MS4A6E: variants seen among roughly 807,000 people sequenced by gnomAD.
MS4A6E encodes membrane-spanning 4-domains subfamily A member 6E.
A neutral mutation model predicts 13.2 loss-of-function variants in MS4A6E; 8 were observed. The ratio of observed to expected loss-of-function variants is 0.60; its 90% confidence interval spans 0.35 to 1.09. The LOEUF is 1.09. Among genes scored for constraint, MS4A6E ranks in the 50% least tolerant of loss-of-function variants. MS4A6E has a pLI of 0.02. For missense variants in MS4A6E, 177 were observed against 171.1 expected (o/e 1.03, Z -0.19); for synonymous variants, 72 against 67.6 (o/e 1.06, Z -0.32).
downstream of MS4A6E, among the ~76,000 whole-genome samples, chr11:60,343,947 A>AAG (rs914149125): frequency 8.6e-5 from 13 of 152,020 alleles, no homozygotes; most frequent in Non-Finnish European, 1.5e-4. Context: ...TGGGGTCAGG[A>AAG]AGAGAGAGAG....
chr11:60,337,996 GC>G lies in MS4A6E; in HGVS notation c.354+51del, dbSNP rs908877947. ...TTCTAATTTTATGAGGTTTCTGAAA[GC>G]CTTGATTTCTTATTATTCCATCCTT... On this transcript the variant is annotated intron_variant, in intron 3 of 4. Coordinates refer to ENST00000684409, the MANE Select transcript of MS4A6E (RefSeq NM_139249.4). 1.0e-5 allele frequency: 16 copies of G among 1,558,252 alleles called. No homozygotes were observed. In the Admixed American group the frequency reaches 2.8e-4, roughly 27 times the overall value.
chr11:60,341,290 G>A lies in MS4A6E; in HGVS notation c.*524G>A, dbSNP rs544044776. ...AGGCAAACCCCATAATGAAGTCTCCGAGTGTATGAAAGTAGCCGGCTTCAA... is the reference window on the plus strand; with the variant it reads ...AGGCAAACCCCATAATGAAGTCTCCAAGTGTATGAAAGTAGCCGGCTTCAA... On this transcript the variant is annotated 3_prime_UTR_variant, in exon 5 of 5. Transcript: ENST00000684409. Among the ~76,000 whole-genome samples the A allele has an allele frequency of 5.9e-5, 9 of 152,290 alleles. No homozygotes were observed. Among genetic ancestry groups the A allele is most frequent in the Admixed American group, 1.3e-4 (2 of 15,302 alleles).
Position 60,337,961 on chromosome 11 carries a change from A to C in MS4A6E, c.354+14A>C. The C allele has an allele frequency of 6.2e-7, 1 of 1,607,680 alleles. No homozygotes were observed. The highest frequency in any genetic ancestry group is 8.5e-7 in the Non-Finnish European group (1 of 1,174,688). ...GCCAGTCTGGCTGTAAGTATTTTTTAGATGGGATGTTCTAATTTTATGAGG... is the reference window on the plus strand; with the variant it reads ...GCCAGTCTGGCTGTAAGTATTTTTTCGATGGGATGTTCTAATTTTATGAGG... On this transcript the variant is annotated intron_variant, in intron 3 of 4. Coordinates refer to ENST00000684409, the MANE Select transcript of MS4A6E (RefSeq NM_139249.4).
downstream of MS4A6E, among the ~76,000 whole-genome samples, chr11:60,343,466 T>C (rs536104342): frequency 6.6e-6 from 1 of 152,358 alleles, no homozygotes; most frequent in East Asian, 1.9e-4. Context: ...TGTATAGTTG[T>C]GTTGCAAATA....
downstream of MS4A6E, among the ~76,000 whole-genome samples, chr11:60,341,662 A>AT (rs1310178583): frequency 3.9e-5 from 6 of 152,086 alleles, no homozygotes; most frequent in Non-Finnish European, 8.8e-5. Context: ...TCTTTGAAAG[A>AT]TTTTGTCATA....
At chr11:60,330,628 C>G (rs144460047) in intron 1 of MS4A6E, among the ~76,000 whole-genome samples, 1 of 151,992 alleles carries the variant, frequency 6.6e-6, no homozygotes, top group South Asian at 2.1e-4. Context: ...CATAAGCCAC[C>G]GCGCCTGGCC....
At chr11:60,342,178 TGAGAGA>T (rs759102438), downstream of MS4A6E, among the ~76,000 whole-genome samples, 59 of 27,792 alleles carry the variant, frequency 2.1e-3, 2 homozygotes, top group South Asian at 0.04. Context: ...TGTGTGTGTG[TGAGAGA>T]GAGAGAGAGA....
rs773294582 is a variant in MS4A6E at position 60,337,779 on chromosome 11, G to C, written c.186G>C (p.Leu62=). Residue 62 remains leucine (L), a synonymous_variant, in exon 3 of 5, where the codon CTG becomes CTC. Transcript: ENST00000684409. ...TGGCTGGAAGCATTCTGAGTGCTCT[G>C]TCTGCCCTGGTGGGTTTCATTCTCC... ...SSLAGSILSA[L]SALVGFILLS... 17 of 1,614,064 alleles carry C rather than the reference G, an allele frequency of 1.1e-5. No individual in the cohort carries two copies. Among genetic ancestry groups the C allele is most frequent in the African/African-American group, 1.3e-5 (1 of 74,906 alleles).
chr11:60,335,873 G>C (rs546818012), intron 2 of MS4A6E, among the ~76,000 whole-genome samples: 1 of 152,280 alleles, frequency 6.6e-6, no homozygotes, highest in African/African-American at 2.4e-5. Flanking sequence ...ATTTGGTTTT[G>C]TTAGTTTGCT....
rs1474077737 is a variant in MS4A6E, at chr11:60,335,426, G to A, written c.147+384G>A. 3.8e-5 allele frequency: 14 copies of A among 369,924 alleles called. No individual in the cohort carries two copies. In the East Asian group the frequency reaches 1.0e-3, roughly 27 times the overall value. 22.9% of individuals were successfully genotyped at this position (369,924 alleles called of 1,614,324 possible). A position where few individuals can be genotyped will look rare whatever the true frequency, so the allele number is the denominator to read the frequency against. ...CTTTGCAAGGAATTTTTCCCTTACT[G>A]CAAATTACAGAAAAAATATACCTCC... On this transcript the variant is annotated intron_variant, in intron 2 of 4. Transcript: ENST00000684409.
chr11:60,331,967 C>T (rs1439174804), intron 1 of MS4A6E, among the ~76,000 whole-genome samples: 2 of 152,288 alleles, frequency 1.3e-5, no homozygotes, highest in Non-Finnish European at 2.9e-5. Context: ...AGCAATTTGA[C>T]GTCAGATGTC....
chr11:60,335,507 T>C, intron 2 of MS4A6E: 1 of 447,868 alleles, frequency 2.2e-6, no homozygotes, highest in South Asian at 1.6e-5. Context: ...ACCTTTTATT[T>C]GTCTGTTTCT....
chr11:60,329,206 G>A (rs974542953), intron 1 of MS4A6E, among the ~76,000 whole-genome samples: 5 of 147,918 alleles, frequency 3.4e-5, no homozygotes, highest in Admixed American at 1.4e-4. Flanking sequence ...ATATATTCTC[G>A]TTGTTCAATT....
chr11:60,342,189 GAGAGAGAGA>G (rs2085230969), downstream of MS4A6E, among the ~76,000 whole-genome samples: 3 of 83,112 alleles, frequency 3.6e-5, no homozygotes, highest in African/African-American at 1.8e-4. Context: ...GAGAGAGAGA[GAGAGAGAGA>G]GAGGGGGGGG....
chr11:60,331,093 C>T (rs994553763), intron 1 of MS4A6E, among the ~76,000 whole-genome samples: 6 of 152,080 alleles, frequency 3.9e-5, no homozygotes, highest in African/African-American at 1.2e-4. Flanking sequence ...ATGTTGTATA[C>T]TTTAAATATG....
Position 60,341,244 on chromosome 11 carries a change from A to AT in MS4A6E, c.*482dup, listed in dbSNP as rs1208145575. 3.2e-4 allele frequency among the ~76,000 whole-genome samples: 48 copies of AT among 152,310 alleles called. No individual in the cohort carries two copies. Among genetic ancestry groups the AT allele is most frequent in the African/African-American group, 1.1e-3 (46 of 41,560 alleles). On this transcript the variant is annotated 3_prime_UTR_variant, in exon 5 of 5. Transcript: ENST00000684409. The stretch of plus-strand genomic sequence containing the variant: ...CAGGTGCTACTGATTTATCCCATGT[A>AT]TTTTACTCATTAGTGCATAAAGGCA...
intron 4 of MS4A6E, among the ~76,000 whole-genome samples, chr11:60,348,479 C>A (rs906348201): frequency 2.6e-5 from 4 of 152,142 alleles, no homozygotes; most frequent in Non-Finnish European, 5.9e-5. Flanking sequence ...GGACTATTTC[C>A]CCACACCATA....
chr11:60,332,886 C>T (rs2868119), intron 1 of MS4A6E, among the ~76,000 whole-genome samples: 54,073 of 151,924 alleles, frequency 0.36, 10,119 homozygotes, highest in East Asian at 0.41. Flanking sequence ...CCCGCATGCC[C>T]GCATAAATCA....
intron 2 of MS4A6E, among the ~76,000 whole-genome samples, chr11:60,335,888 G>C (rs555552039): frequency 6.6e-6 from 1 of 152,154 alleles, no homozygotes; most frequent in Non-Finnish European, 1.5e-5. Flanking sequence ...TTTGCTAAGG[G>C]TGGTGGCCTC....
Sources: allele counts gnomAD v4.1 joint callset (sites outside exome capture counted in the v4.1 genomes callset), GRCh38; gene constraint gnomAD v4.1.1; transcripts MANE v1.5; gene names NCBI Gene and HGNC (gene_info 2026-07-23, HGNC 2026-07-21).